Variants in ZWILCH observed in about 807,000 individuals in gnomAD.
ZWILCH encodes protein zwilch homolog.
ZWILCH carries 74 observed loss-of-function variants against 79.9 expected under a neutral mutation model. The observed-to-expected ratio is 0.93, with a 90% CI of 0.77 to 1.12. The LOEUF is 1.12. Among genes scored for constraint, ZWILCH ranks in the 50% most tolerant of loss-of-function variants. The pLI, the probability that ZWILCH is intolerant of heterozygous loss-of-function variation, is 0.00. For synonymous variants in ZWILCH, 241 were observed against 228.2 expected (o/e 1.06, Z -0.51); for missense variants, 694 against 687.5 (o/e 1.01, Z -0.11).
rs1052983477 is a variant in ZWILCH, at chr15:66,517,934, T to C, written c.321-945T>C. The stretch of plus-strand genomic sequence containing the variant: ...TTTTAGTAGAGACGGGGTTTCACCA[T>C]GTTGGTCAGGCTGGTCTCGAACTCC... On this transcript the variant is annotated intron_variant, in intron 4 of 18. Transcript: ENST00000307897. Among the ~76,000 whole-genome samples, 13 of 151,930 alleles carry C rather than the reference T, an allele frequency of 8.6e-5. No individual in the cohort carries two copies. In the East Asian group the frequency reaches 2.5e-3, roughly 29 times the overall value.
chr15:66,515,464 A>C (rs1894216273), intron 3 of ZWILCH, 62 bp from the exon 4 acceptor site: 4 of 972,316 alleles, frequency 4.1e-6, no homozygotes, highest in Non-Finnish European at 6.4e-6. Context: ...AGCATAGTAA[A>C]GAGTCAGCTG....
chr15:66,537,848 T>C (rs1376051403), intron 16 of ZWILCH, among the ~76,000 whole-genome samples: 1 of 152,226 alleles, frequency 6.6e-6, no homozygotes, highest in African/African-American at 2.4e-5. Flanking sequence ...GACCATAGTC[T>C]GAGAGAGTTC....
chr15:66,539,718 A>G (rs1358171698), intron 16 of ZWILCH, among the ~76,000 whole-genome samples: 2 of 152,142 alleles, frequency 1.3e-5, no homozygotes, highest in African/African-American at 2.4e-5. Context: ...CCCTCGGTGC[A>G]TACTCAACAT....
intron 2 of ZWILCH, among the ~76,000 whole-genome samples, chr15:66,511,675 G>A (rs900749826): frequency 7.2e-5 from 11 of 151,942 alleles, no homozygotes; most frequent in Non-Finnish European, 5.9e-5. Flanking sequence ...GGAGTGCAGT[G>A]GCGCGATCCT....
intron 17 of ZWILCH, among the ~76,000 whole-genome samples, chr15:66,541,618 T>C (rs1043755650): frequency 3.3e-5 from 5 of 152,204 alleles, no homozygotes; most frequent in African/African-American, 1.2e-4. Flanking sequence ...AGGCAAAGAA[T>C]GTCTTTTAGC....
intron 17 of ZWILCH, among the ~76,000 whole-genome samples, chr15:66,540,561 G>GA (rs1567052720): frequency 6.7e-6 from 1 of 149,806 alleles, no homozygotes; most frequent in South Asian, 2.1e-4. Context: ...TCCAAAAAAA[G>GA]AAAAAAGAAA....
At chr15:66,532,932 T>G in intron 13 of ZWILCH, 53 bp from the exon 14 acceptor site, 1 of 1,223,912 alleles carries the variant, frequency 8.2e-7, no homozygotes, top group Non-Finnish European at 1.1e-6. Flanking sequence ...TCTATTAATA[T>G]GTAATAGAAA....
intron 2 of ZWILCH, among the ~76,000 whole-genome samples, chr15:66,512,824 CTTGCTCTG>C (rs1894117691): frequency 1.3e-5 from 2 of 152,182 alleles, no homozygotes; most frequent in Non-Finnish European, 2.9e-5. Flanking sequence ...AAGATGGAGT[CTTGCTCTG>C]TTGCCCTGGC....
At chr15:66,532,806 G>A (rs1463675970) in intron 13 of ZWILCH, among the ~76,000 whole-genome samples, 179 bp from the exon 14 acceptor site, 1 of 151,770 alleles carries the variant, frequency 6.6e-6, no homozygotes. Context: ...TTGGCCTTTT[G>A]TGAGGAACTA....
chr15:66,532,945 A>G, intron 13 of ZWILCH, 40 bp from the exon 14 acceptor site: 2 of 1,440,718 alleles, frequency 1.4e-6, no homozygotes, highest in Non-Finnish European at 1.9e-6. Context: ...AATAGAAAAT[A>G]CCTGAAGTGT....
In ZWILCH at chr15:66,518,969, G is replaced by A; in HGVS notation, c.411G>A (p.Trp137Ter). ...CAGTTACTGCCCTTCCTCCCCTTTG[G>A]GTAAGATGTGACAGTTCAGATCCTG... ...NLPVTALPPL[W>*]VRCDSSDPEG... The change falls in exon 5 of 19, where the codon TGG becomes TGA. Residue 137 changes from tryptophan to a stop codon, truncating the protein, a stop_gained. Transcript: ENST00000307897. LOFTEE classifies it high-confidence loss of function. The A allele has an allele frequency of 6.2e-7, 1 of 1,614,154 alleles. No homozygotes were observed. Among genetic ancestry groups the A allele is most frequent in the Non-Finnish European group, 8.5e-7 (1 of 1,180,034 alleles).
chr15:66,535,772 A>T (rs1486586171), intron 14 of ZWILCH, among the ~76,000 whole-genome samples, 161 bp from the exon 15 acceptor site: 2 of 151,042 alleles, frequency 1.3e-5, no homozygotes, highest in East Asian at 3.9e-4. Context: ...GAATAATAGT[A>T]TTGAAAGGTG....
intron 18 of ZWILCH, chr15:66,547,798 C>T (rs1412714835): frequency 6.6e-6 from 1 of 152,036 alleles, no homozygotes; most frequent in Admixed American, 6.6e-5. Flanking sequence ...CTTTTCTTTT[C>T]TCTTTTGAAA....
intron 17 of ZWILCH, among the ~76,000 whole-genome samples, chr15:66,542,513 A>G (rs1028819452): frequency 6.6e-6 from 1 of 152,160 alleles, no homozygotes; most frequent in African/African-American, 2.4e-5. Flanking sequence ...TGAACCTGGG[A>G]GGCGGAGGTT....
intron 5 of ZWILCH, among the ~76,000 whole-genome samples, chr15:66,520,007 A>G (rs1416174665): frequency 3.3e-5 from 5 of 151,964 alleles, no homozygotes; most frequent in African/African-American, 7.3e-5. Flanking sequence ...ACAGGGTCCC[A>G]CTGTATTGCC....
intron 1 of ZWILCH, among the ~76,000 whole-genome samples, chr15:66,507,170 C>T (rs1466604329): frequency 6.6e-6 from 1 of 152,182 alleles, no homozygotes; most frequent in African/African-American, 2.4e-5. Flanking sequence ...CCATTTAAAC[C>T]CTTTATACTT....
intron 7 of ZWILCH, among the ~76,000 whole-genome samples, chr15:66,521,879 A>G (rs984690698): frequency 4.6e-5 from 7 of 152,128 alleles, no homozygotes; most frequent in Non-Finnish European, 8.8e-5. Context: ...CTCTGTATTT[A>G]CATTTCTAGG....
rs114486163 is a variant in ZWILCH at position 66,543,859 on chromosome 15, C to T, written c.1688-2732C>T. On this transcript the variant is annotated intron_variant, in intron 17 of 18. Coordinates refer to ENST00000307897, the MANE Select transcript of ZWILCH (RefSeq NM_017975.5). ...TTGTAGAGTTCTTCAGGTGATTCCACTGTGCAACTGTGGCTGAGAATCACC... is the reference window on the plus strand; with the variant it reads ...TTGTAGAGTTCTTCAGGTGATTCCATTGTGCAACTGTGGCTGAGAATCACC... Among the ~76,000 whole-genome samples, 552 of 152,308 alleles carry T rather than the reference C, an allele frequency of 3.6e-3. 2 individuals are homozygous for T. Among genetic ancestry groups the T allele is most frequent in the African/African-American group, 0.013 (527 of 41,562 alleles).
chr15:66,535,833 T>A, intron 14 of ZWILCH, 100 bp from the exon 15 acceptor site: 7 of 968,032 alleles, frequency 7.2e-6, no homozygotes, highest in South Asian at 2.1e-5. Context: ...ATGCCTGTTA[T>A]CAAGCATCCA....
Sources: allele counts gnomAD v4.1 joint callset (sites outside exome capture counted in the v4.1 genomes callset), GRCh38; gene constraint gnomAD v4.1.1; transcripts MANE v1.5; gene names NCBI Gene and HGNC (gene_info 2026-07-23, HGNC 2026-07-21).